The following RABGAP1L variants were observed in gnomAD, a reference collection of about 807,000 sequenced individuals.
The protein encoded by RABGAP1L is RAB GTPase activating protein 1 like, also known as rab GTPase-activating protein 1-like.
A neutral mutation model predicts 137.7 loss-of-function variants in RABGAP1L; 63 were observed. The ratio of observed to expected loss-of-function variants is 0.46; its 90% CI spans 0.37 to 0.56. The LOEUF is 0.56. Ranked by LOEUF, RABGAP1L falls within the 20% of genes least tolerant of loss-of-function variation. The pLI, the probability that RABGAP1L is intolerant of heterozygous loss-of-function variation, is 0.00. For synonymous variants in RABGAP1L, 431 were observed against 433.7 expected (o/e 0.99, Z 0.08); for missense variants, 1,095 against 1,244.0 (o/e 0.88, Z 1.80).
chr1:174,578,856 G>C (rs543040219), intron 13 of RABGAP1L, among the ~76,000 whole-genome samples: 1 of 152,064 alleles, frequency 6.6e-6, no homozygotes, highest in African/African-American at 2.4e-5. Context: ...AAATTTATAA[G>C]AACATAGAGA....
At chr1:174,613,250 T>C (rs1226972460) in intron 13 of RABGAP1L, among the ~76,000 whole-genome samples, 3 of 152,172 alleles carry the variant, frequency 2.0e-5, no homozygotes, top group Admixed American at 6.5e-5. Context: ...GATTCTGGTA[T>C]GTTGTGTCTT....
intron 17 of RABGAP1L, among the ~76,000 whole-genome samples, chr1:174,706,168 G>A (rs398350): frequency 0.37 from 56,664 of 152,000 alleles, 13,914 homozygotes; most frequent in African/African-American, 0.7. Context: ...TCATTCTGAG[G>A]TTAAGCCAAT....
At chr1:174,620,487 A>G (rs547927248) in intron 13 of RABGAP1L, among the ~76,000 whole-genome samples, 2 of 152,312 alleles carry the variant, frequency 1.3e-5, no homozygotes, top group South Asian at 2.1e-4. Flanking sequence ...CACTCACTCA[A>G]AATCACTCAA....
chr1:174,782,634 T>C (rs1194658684), intron 18 of RABGAP1L, among the ~76,000 whole-genome samples: 1 of 152,192 alleles, frequency 6.6e-6, no homozygotes, highest in Non-Finnish European at 1.5e-5. Context: ...TCAGTTTGCA[T>C]CACAGTAGAG....
intron 13 of RABGAP1L, among the ~76,000 whole-genome samples, chr1:174,618,883 A>T (rs915865551): frequency 6.6e-6 from 1 of 152,186 alleles, no homozygotes; most frequent in East Asian, 1.9e-4. Flanking sequence ...AAGAAGTTAA[A>T]AACTTTGAAA....
intron 11 of RABGAP1L, among the ~76,000 whole-genome samples, chr1:174,321,479 G>A (rs1484349802): frequency 6.6e-6 from 1 of 151,942 alleles, no homozygotes; most frequent in African/African-American, 2.4e-5. Context: ...TGTCTGCCCC[G>A]GACTCCCAGC....
chr1:174,488,457 T>G (rs373226697), intron 13 of RABGAP1L, among the ~76,000 whole-genome samples: 5 of 152,190 alleles, frequency 3.3e-5, no homozygotes, highest in African/African-American at 1.2e-4. Flanking sequence ...TAGGATACTT[T>G]TTTTATCCTT....
intron 19 of RABGAP1L, among the ~76,000 whole-genome samples, chr1:174,818,030 TCG>T (rs1690616379): frequency 6.6e-6 from 1 of 152,216 alleles, no homozygotes; most frequent in African/African-American, 2.4e-5. Flanking sequence ...AATATGTTGT[TCG>T]TGGTACATAT....
intron 10 of RABGAP1L, among the ~76,000 whole-genome samples, chr1:174,303,839 T>G (rs985302791): frequency 1.3e-5 from 2 of 152,276 alleles, no homozygotes; most frequent in South Asian, 4.1e-4. Flanking sequence ...ATACAAAACA[T>G]TTGTCAACTT....
At chr1:174,391,766 T>C (rs2149077967) in intron 12 of RABGAP1L, among the ~76,000 whole-genome samples, 1 of 152,356 alleles carries the variant, frequency 6.6e-6, no homozygotes, top group African/African-American at 2.4e-5. Flanking sequence ...ATTTAACTAC[T>C]TTGGATTTCC....
At chr1:174,613,354 T>C (rs1351535823) in intron 13 of RABGAP1L, among the ~76,000 whole-genome samples, 2 of 152,216 alleles carry the variant, frequency 1.3e-5, no homozygotes, top group East Asian at 3.8e-4. Context: ...AGTTTCCATG[T>C]AGTTGAGTGA....
intron 9 of RABGAP1L, among the ~76,000 whole-genome samples, chr1:174,277,019 A>G (rs559372171): frequency 6.6e-6 from 1 of 152,102 alleles, no homozygotes; most frequent in African/African-American, 2.4e-5. Flanking sequence ...TATTTAGTTT[A>G]TACCCACAGT....
intron 11 of RABGAP1L, among the ~76,000 whole-genome samples, chr1:174,370,463 CTTTTTT>C (rs1183875194): frequency 5.6e-3 from 213 of 37,876 alleles, no homozygotes; most frequent in Non-Finnish European, 7.5e-3. Flanking sequence ...TTAAAAATAC[CTTTTTT>C]TTTTTTTTTT....
intron 13 of RABGAP1L, among the ~76,000 whole-genome samples, chr1:174,504,490 TATA>T (rs1300294513): frequency 1.3e-5 from 2 of 148,390 alleles, no homozygotes; most frequent in African/African-American, 2.5e-5. Context: ...AATACACAGG[TATA>T]ATAACCAAAA....
At chr1:174,892,333 T>C (rs904911579) in intron 19 of RABGAP1L, 2 of 346,530 alleles carry the variant, frequency 5.8e-6, no homozygotes, top group Admixed American at 4.2e-5. Context: ...CTGAAAAGTC[T>C]AGTGGGAAGG....
At chr1:174,643,806 C>A (rs1469846542) in intron 14 of RABGAP1L, among the ~76,000 whole-genome samples, 1 of 151,882 alleles carries the variant, frequency 6.6e-6, no homozygotes, top group East Asian at 1.9e-4. Flanking sequence ...TCCAATTCTG[C>A]TTTATTGCCA....
intron 13 of RABGAP1L, among the ~76,000 whole-genome samples, chr1:174,434,108 T>TACAC (rs35509787): frequency 0.1 from 13,779 of 134,004 alleles, 705 homozygotes; most frequent in East Asian, 0.18. Context: ...CGTGTACACA[T>TACAC]ACACACACAC....
At chr1:174,183,188 A>G (rs933151833) in intron 1 of RABGAP1L, among the ~76,000 whole-genome samples, 3 of 152,354 alleles carry the variant, frequency 2.0e-5, no homozygotes, top group East Asian at 1.9e-4. Flanking sequence ...TACAATTTGT[A>G]TATTTTCTTG....
intron 19 of RABGAP1L, chr1:174,874,626 A>G: frequency 2.0e-6 from 1 of 488,992 alleles, no homozygotes; most frequent in Non-Finnish European, 2.5e-6. Flanking sequence ...CGTGGTGTGA[A>G]GGCGATAACT....
Sources: gnomAD v4.1 joint callset for allele counts (sites outside exome capture counted in the v4.1 genomes callset) on GRCh38, gnomAD v4.1.1 for gene constraint, MANE v1.5 for transcripts, NCBI Gene and HGNC (gene_info 2026-07-23, HGNC 2026-07-21) for gene names.